PRDM16: variants seen among roughly 807,000 people sequenced by gnomAD.
PRDM16 encodes the protein histone-lysine N-methyltransferase PRDM16.
A neutral mutation model predicts 110.6 loss-of-function variants in PRDM16; 23 were observed. The ratio of observed to expected loss-of-function variants is 0.21; its 90% CI spans 0.15 to 0.29. PRDM16 has a LOEUF of 0.29. Among genes scored for constraint, PRDM16 ranks in the 10% least tolerant of loss-of-function variants. The pLI is 1.00. For missense variants in PRDM16, 1,615 were observed against 1,794.3 expected (o/e 0.90, Z 1.81); for synonymous variants, 799 against 781.8 (o/e 1.02, Z -0.37).
At chr1:3,196,197 C>T (rs1638473328) in intron 2 of PRDM16, among the ~76,000 whole-genome samples, 1 of 152,198 alleles carries the variant, frequency 6.6e-6, no homozygotes, top group South Asian at 2.1e-4. Flanking sequence ...CCGGTTCCTG[C>T]CCCCACTAAC....
chr1:3,329,689 A>G (rs1049435032), intron 3 of PRDM16, among the ~76,000 whole-genome samples: 1 of 152,164 alleles, frequency 6.6e-6, no homozygotes, highest in Non-Finnish European at 1.5e-5. Flanking sequence ...GCCTGGCCCA[A>G]TGAGTTGAGT....
rs1537406 is a variant in PRDM16 at position 3,435,663 on chromosome 1, T to C, written c.*1852T>C. 0.91 allele frequency: 212,496 copies of C among 232,568 alleles called. 97,557 individuals carry two copies. The highest frequency in any genetic ancestry group is 0.98 in the African/African-American group (44,448 of 45,412). The allele number at this position is 232,568 out of a possible 1,614,324, so 14.4% of individuals were successfully genotyped here. ...CGCCTTGGTGTGGGTTTGTGTCACGTGTGGACATCTCCTCAGGCTTTGTGT... is the reference window on the plus strand; with the variant it reads ...CGCCTTGGTGTGGGTTTGTGTCACGCGTGGACATCTCCTCAGGCTTTGTGT... On this transcript the variant is annotated 3_prime_UTR_variant, in exon 17 of 17. Transcript: ENST00000270722.
At chr1:3,298,160 C>T (rs1296443078) in intron 3 of PRDM16, among the ~76,000 whole-genome samples, 7 of 152,266 alleles carry the variant, frequency 4.6e-5, no homozygotes, top group Non-Finnish European at 1.0e-4. Context: ...TAAGTGACAG[C>T]ATCTTCCACT....
chr1:3,412,872 T>G, intron 9 of PRDM16, 72 bp downstream of exon 9: 1 of 1,238,682 alleles, frequency 8.1e-7, no homozygotes, highest in Non-Finnish European at 1.1e-6. Flanking sequence ...GCTCAGTGCA[T>G]GGTGGTGTCT....
At chr1:3,387,354 G>A (rs1643216788) in intron 4 of PRDM16, among the ~76,000 whole-genome samples, 1 of 152,154 alleles carries the variant, frequency 6.6e-6, no homozygotes, top group Non-Finnish European at 1.5e-5. Context: ...TCTGTTTTAG[G>A]TCCATAGGCT....
At chr1:3,144,231 C>T (rs1643603900) in intron 1 of PRDM16, among the ~76,000 whole-genome samples, 1 of 152,126 alleles carries the variant, frequency 6.6e-6, no homozygotes, top group African/African-American at 2.4e-5. Context: ...TGGATGGGGG[C>T]CCGGCCCCAC....
chr1:3,423,025 G>GA lies in PRDM16; in HGVS notation c.2940-2556_2940-2555insA, dbSNP rs1638482791. On this transcript the variant is annotated intron_variant, in intron 12 of 16. Transcript: ENST00000270722. ...TTCGATCACCAATGCTTCTTTTCCT[G>GA]TCTACTGTTGAAGAGGCCAGAGTGA... Among the ~76,000 whole-genome samples, 8 of 152,348 alleles carry GA rather than the reference G, an allele frequency of 5.3e-5. No individual in the cohort carries two copies. The South Asian group carries it at 1.7e-3, about 32-fold the overall frequency.
intron 8 of PRDM16, among the ~76,000 whole-genome samples, chr1:3,406,959 G>C (rs1412368633): frequency 2.6e-5 from 4 of 152,196 alleles, no homozygotes; most frequent in Non-Finnish European, 5.9e-5. Context: ...GTCTCCAGTT[G>C]TCATAGGAGG....
chr1:3,107,354 G>C (rs79291050), intron 1 of PRDM16, among the ~76,000 whole-genome samples: 1 of 152,162 alleles, frequency 6.6e-6, no homozygotes, highest in Non-Finnish European at 1.5e-5. Flanking sequence ...GGCTGGGCCG[G>C]GGGAGCCATT....
intron 3 of PRDM16, among the ~76,000 whole-genome samples, chr1:3,348,978 C>T (rs1570114104): frequency 6.6e-6 from 1 of 152,160 alleles, no homozygotes; most frequent in South Asian, 2.1e-4. Context: ...GCAGCGCTGG[C>T]CTGGGAACAG....
chr1:3,100,294 G>A (rs1234698240), intron 1 of PRDM16, among the ~76,000 whole-genome samples: 2 of 152,190 alleles, frequency 1.3e-5, no homozygotes, highest in Non-Finnish European at 2.9e-5. Context: ...TCACAGACCC[G>A]TTCGCTCTTC....
At chr1:3,407,659 T>G (rs1382253802) in intron 8 of PRDM16, among the ~76,000 whole-genome samples, 1 of 152,204 alleles carries the variant, frequency 6.6e-6, no homozygotes, top group Non-Finnish European at 1.5e-5. Context: ...TAAACTTCCT[T>G]GCCTCTCTGG....
chr1:3,108,253 G>C (rs765514787), intron 1 of PRDM16, among the ~76,000 whole-genome samples: 2 of 152,180 alleles, frequency 1.3e-5, no homozygotes, highest in Non-Finnish European at 2.9e-5. Context: ...AAATTATCCT[G>C]TAATTCTTTT....
At chr1:3,314,452 A>T (rs1329223587) in intron 3 of PRDM16, among the ~76,000 whole-genome samples, 1 of 152,102 alleles carries the variant, frequency 6.6e-6, no homozygotes, top group Non-Finnish European at 1.5e-5. Flanking sequence ...CACGATGAGG[A>T]TGGGGACAAG....
At chr1:3,136,852 A>T (rs2100694015) in intron 1 of PRDM16, among the ~76,000 whole-genome samples, 1 of 152,262 alleles carries the variant, frequency 6.6e-6, no homozygotes, top group East Asian at 1.9e-4. Flanking sequence ...GGGGTCCGGG[A>T]TGCTGGGAAC....
At chr1:3,187,546 G>A (rs965712559) in intron 2 of PRDM16, among the ~76,000 whole-genome samples, 1 of 152,224 alleles carries the variant, frequency 6.6e-6, no homozygotes, top group East Asian at 1.9e-4. Flanking sequence ...CAGACAGGCC[G>A]TGGGGAGGTT....
intron 2 of PRDM16, among the ~76,000 whole-genome samples, chr1:3,225,830 C>T (rs1158163472): frequency 6.6e-6 from 1 of 152,240 alleles, no homozygotes; most frequent in African/African-American, 2.4e-5. Flanking sequence ...GACACAGCTC[C>T]TGGGGACGGA....
At chr1:3,393,950 G>T (rs61759204) in intron 4 of PRDM16, among the ~76,000 whole-genome samples, 2,921 of 152,264 alleles carry the variant, frequency 0.019, 39 homozygotes, top group Non-Finnish European at 0.032. Flanking sequence ...TCCTCCTGCA[G>T]GTCCAGGGCC....
chr1:3,262,553 C>T (rs1287234944), intron 3 of PRDM16, among the ~76,000 whole-genome samples: 1 of 152,216 alleles, frequency 6.6e-6, no homozygotes, highest in Non-Finnish European at 1.5e-5. Flanking sequence ...CTCCTGGTTG[C>T]AGGCTATTCC....
Sources: allele counts gnomAD v4.1 joint callset (sites outside exome capture counted in the v4.1 genomes callset), GRCh38; gene constraint gnomAD v4.1.1; transcripts MANE v1.5; gene names NCBI Gene and HGNC (gene_info 2026-07-23, HGNC 2026-07-21).